The following LRRIQ1 variants were observed in gnomAD, a reference collection of about 807,000 sequenced individuals.
The protein encoded by LRRIQ1 is leucine rich repeats and IQ motif containing 1, also known as leucine-rich repeat- and IQ domain-containing protein 1.
Under a neutral mutation model 211.9 loss-of-function variants are expected in LRRIQ1, and 210 were observed. That is an observed-to-expected ratio of 0.99 (90% CI 0.89 to 1.11). The LOEUF (loss-of-function observed/expected upper bound fraction) is 1.11, where lower values mean the gene tolerates loss of function less well. Ranked by LOEUF, LRRIQ1 falls within the 50% of genes most tolerant of loss-of-function variation. The pLI, the probability that LRRIQ1 is intolerant of heterozygous loss-of-function variation, is 0.00. For synonymous variants in LRRIQ1, 699 were observed against 650.1 expected, an observed-to-expected ratio of 1.08 and a Z score of -1.14; for missense variants, 2,136 against 1,939.5, an observed-to-expected ratio of 1.10 and a Z score of -1.90.
intron 24 of LRRIQ1, among the ~76,000 whole-genome samples, chr12:85,176,750 A>G (rs199622271): frequency 1.4e-5 from 1 of 71,044 alleles, no homozygotes; most frequent in South Asian, 2.8e-4. Flanking sequence ...AATAAAAAAT[A>G]AAAAAAAATT....
At chr12:85,215,922 T>C (rs1049474737) in intron 24 of LRRIQ1, among the ~76,000 whole-genome samples, 1 of 152,110 alleles carries the variant, frequency 6.6e-6, no homozygotes, top group Non-Finnish European at 1.5e-5. Flanking sequence ...AGCTATAATA[T>C]AGTGCTTAAA....
chr12:85,240,752 T>G lies in LRRIQ1; in HGVS notation c.5017-4037T>G, dbSNP rs1895423375. On this transcript the variant is annotated intron_variant, in intron 26 of 26. Transcript: ENST00000393217. ...AACATTATGTTGAGTTAAAAAGGGC[T>G]AATCTCAAAAGATTACATGCTGTAT... is the stretch of plus-strand genomic sequence containing the variant. Among the ~76,000 whole-genome samples, 3 of 152,128 alleles carry G rather than the reference T, an allele frequency of 2.0e-5. No homozygotes were observed. The South Asian group carries it at 6.2e-4, about 31-fold the overall frequency.
At chr12:85,070,799 C>A (rs1195902182) in intron 10 of LRRIQ1, among the ~76,000 whole-genome samples, 1 of 151,782 alleles carries the variant, frequency 6.6e-6, no homozygotes, top group Non-Finnish European at 1.5e-5. Flanking sequence ...TGGTTTATGG[C>A]AACATTAATA....
chr12:85,235,256 A>C (rs910346189), intron 26 of LRRIQ1, among the ~76,000 whole-genome samples: 12 of 152,220 alleles, frequency 7.9e-5, no homozygotes, highest in African/African-American at 2.4e-4. Flanking sequence ...TTTTATATTT[A>C]ATTGACTAAA....
At chr12:85,222,550 G>T (rs1894449539) in intron 24 of LRRIQ1, among the ~76,000 whole-genome samples, 1 of 152,128 alleles carries the variant, frequency 6.6e-6, no homozygotes, top group Non-Finnish European at 1.5e-5. Flanking sequence ...CTTTTGATGT[G>T]CACAGTTCCA....
chr12:85,082,375 A>G (rs914715592), intron 11 of LRRIQ1, among the ~76,000 whole-genome samples: 1 of 152,094 alleles, frequency 6.6e-6, no homozygotes, highest in African/African-American at 2.4e-5. Context: ...GTGTCTAGGC[A>G]GGGATTTGTT....
At chr12:85,106,933 T>C (rs1886824869) in intron 15 of LRRIQ1, among the ~76,000 whole-genome samples, 1 of 152,106 alleles carries the variant, frequency 6.6e-6, no homozygotes, top group Non-Finnish European at 1.5e-5. Context: ...ATTGCTTTTT[T>C]GCCAATAATA....
chr12:85,239,112 A>C lies in LRRIQ1; in HGVS notation c.5017-5677A>C, dbSNP rs972375055. On this transcript the variant is annotated intron_variant, in intron 26 of 26. Transcript: ENST00000393217. ...CACTGCTTTAAAAAATTTCAGAGAC[A>C]TACCATATTTATAAATAAGTTGAAA... Among the ~76,000 whole-genome samples the C allele has an allele frequency of 3.3e-5, 5 of 152,270 alleles. No individual in the cohort carries two copies. In the East Asian group the frequency reaches 9.6e-4, roughly 29 times the overall value.
At chr12:85,222,582 G>A (rs1894451398) in intron 24 of LRRIQ1, among the ~76,000 whole-genome samples, 1 of 152,138 alleles carries the variant, frequency 6.6e-6, no homozygotes, top group Non-Finnish European at 1.5e-5. Context: ...TTGGGAGAAA[G>A]CCATAACGCA....
intron 18 of LRRIQ1, among the ~76,000 whole-genome samples, chr12:85,132,680 T>G (rs1888853674): frequency 6.6e-6 from 1 of 152,034 alleles, no homozygotes. Context: ...GGGGATCTCT[T>G]GAGCCCGGAT....
At chr12:85,069,230 G>C (rs530033846) in intron 10 of LRRIQ1, among the ~76,000 whole-genome samples, 1 of 151,804 alleles carries the variant, frequency 6.6e-6, no homozygotes, top group Admixed American at 6.6e-5. Context: ...TGAGAATGAT[G>C]GTTTCCAGTT....
chr12:85,098,595 C>T, intron 12 of LRRIQ1, 47 bp downstream of exon 12: 2 of 1,456,880 alleles, frequency 1.4e-6, no homozygotes, highest in South Asian at 2.6e-5. Context: ...CAACACTTTT[C>T]TTTTGATAGA....
chr12:85,041,429 G>A (rs1179702321), intron 3 of LRRIQ1, among the ~76,000 whole-genome samples: 1 of 151,554 alleles, frequency 6.6e-6, no homozygotes, highest in Non-Finnish European at 1.5e-5. Context: ...TAAGGAGATA[G>A]AGACTGGAGT....
chr12:85,259,898 T>C (rs574313838), intron 1 of LRRIQ1, among the ~76,000 whole-genome samples: 1 of 152,036 alleles, frequency 6.6e-6, no homozygotes, highest in African/African-American at 2.4e-5. Context: ...TACAACATAA[T>C]AATATTGGGG....
chr12:85,142,217 A>T (rs1006842528), intron 19 of LRRIQ1, among the ~76,000 whole-genome samples: 1 of 151,422 alleles, frequency 6.6e-6, no homozygotes, highest in South Asian at 2.1e-4. Context: ...CCCATCCCCC[A>T]GGTAACTTTT....
intron 24 of LRRIQ1, among the ~76,000 whole-genome samples, chr12:85,206,865 A>T (rs533252476): frequency 6.6e-6 from 1 of 152,122 alleles, no homozygotes; most frequent in Admixed American, 6.5e-5. Flanking sequence ...CACAGGCAAG[A>T]TTGCTCTGCT....
At chr12:85,252,019 G>A (rs768381606) in intron 1 of LRRIQ1, among the ~76,000 whole-genome samples, 13 of 151,762 alleles carry the variant, frequency 8.6e-5, no homozygotes, top group Admixed American at 2.0e-4. Flanking sequence ...TCTAATTATT[G>A]TAGCTCAGCA....
At chr12:85,090,144 T>G (rs951731770) in intron 11 of LRRIQ1, among the ~76,000 whole-genome samples, 3 of 152,136 alleles carry the variant, frequency 2.0e-5, no homozygotes, top group African/African-American at 7.2e-5. Flanking sequence ...TTCCACGTGG[T>G]ATTAAGCCTA....
chr12:85,178,322 A>G (rs1049777889), intron 24 of LRRIQ1, among the ~76,000 whole-genome samples: 5 of 152,038 alleles, frequency 3.3e-5, no homozygotes, highest in African/African-American at 1.2e-4. Context: ...ACTGCCATTG[A>G]AAATATTATT....
Sources: allele counts gnomAD v4.1 joint callset (sites outside exome capture counted in the v4.1 genomes callset), GRCh38; gene constraint gnomAD v4.1.1; transcripts MANE v1.5; gene names NCBI Gene and HGNC (gene_info 2026-07-23, HGNC 2026-07-21).